The following TENM3 variants were observed in gnomAD, a reference collection of about 807,000 sequenced individuals.
TENM3 encodes teneurin transmembrane protein 3, also known as teneurin-3.
A neutral mutation model predicts 255.1 loss-of-function variants in TENM3; 63 were observed. That is an observed-to-expected ratio of 0.25 (90% CI 0.20 to 0.30). The LOEUF (loss-of-function observed/expected upper bound fraction) is 0.30. Ranked by LOEUF, TENM3 falls within the 10% of genes least tolerant of loss-of-function variation. The pLI is 1.00. For synonymous variants in TENM3, 1,306 were observed against 1,322.3 expected (o/e 0.99, Z 0.27); for missense variants, 2,929 against 3,461.1 (o/e 0.85, Z 3.86).
At chr4:181,909,986 A>G in the TENM3 span, among the ~76,000 whole-genome samples, 1 of 152,240 alleles carries the variant, frequency 6.6e-6, no homozygotes, top group Non-Finnish European at 1.5e-5. Context: ...AAATGTATAC[A>G]AAAGAATATC....
Position 182,509,729 on chromosome 4 carries a change from G to A in TENM3, c.512-91195G>A, listed in dbSNP as rs905279881. Among the ~76,000 whole-genome samples, 9 of 152,064 alleles carry A rather than the reference G, an allele frequency of 5.9e-5. No homozygotes were observed. In the East Asian group the frequency reaches 1.5e-3, roughly 26 times the overall value. On this transcript the variant is annotated intron_variant, in intron 3 of 27. Coordinates refer to ENST00000511685, the MANE Select transcript of TENM3 (RefSeq NM_001080477.4). ...AAGACAGGCGGATCACCTGAAGTTG[G>A]GAGTTCAAGACCAGCCTGACCAACA...
chr4:181,843,380 A>T, the TENM3 span, among the ~76,000 whole-genome samples: 10,918 of 152,212 alleles, frequency 0.072, 493 homozygotes, highest in South Asian at 0.16. Context: ...TCAATAACTC[A>T]TTTTCCTTGA....
chr4:181,621,619 A>G, the TENM3 span, among the ~76,000 whole-genome samples: 1 of 152,218 alleles, frequency 6.6e-6, no homozygotes, highest in Non-Finnish European at 1.5e-5. Context: ...AGGGTCTCAC[A>G]CACACAAAAA....
the TENM3 span, among the ~76,000 whole-genome samples, chr4:182,124,740 C>CT: frequency 6.6e-6 from 1 of 152,200 alleles, no homozygotes; most frequent in Non-Finnish European, 1.5e-5. Flanking sequence ...TCCCTTCCCA[C>CT]TTTTTTGCAG....
the TENM3 span, among the ~76,000 whole-genome samples, chr4:182,073,353 A>G: frequency 6.6e-6 from 1 of 152,166 alleles, no homozygotes; most frequent in Non-Finnish European, 1.5e-5. Flanking sequence ...GGGGATTACA[A>G]TTCAAGATGA....
chr4:182,421,033 C>T (rs1191297150), intron 3 of TENM3, among the ~76,000 whole-genome samples: 1 of 152,148 alleles, frequency 6.6e-6, no homozygotes, highest in African/African-American at 2.4e-5. Context: ...GAGATGGTTT[C>T]ATCACTGAAC....
the TENM3 span, among the ~76,000 whole-genome samples, chr4:181,713,670 G>A: frequency 2.0e-5 from 3 of 151,490 alleles, no homozygotes; most frequent in Admixed American, 6.6e-5. Context: ...TTGTGGTTTG[G>A]GCCACCAAGA....
At chr4:181,833,289 A>G in the TENM3 span, among the ~76,000 whole-genome samples, 1 of 152,010 alleles carries the variant, frequency 6.6e-6, no homozygotes, top group Non-Finnish European at 1.5e-5. Context: ...CCAGCTGTCA[A>G]ATCTCTACCC....
chr4:181,574,485 C>T, the TENM3 span, among the ~76,000 whole-genome samples: 2,321 of 151,266 alleles, frequency 0.015, 53 homozygotes, highest in African/African-American at 0.044. Flanking sequence ...GAGCCGAGAT[C>T]GTGCCACTGC....
At chr4:181,888,498 A>ATATATGTATATG in the TENM3 span, among the ~76,000 whole-genome samples, 1 of 20,726 alleles carries the variant, frequency 4.8e-5, no homozygotes, top group Non-Finnish European at 8.9e-5. Context: ...AAATGTGTAT[A>ATATATGTATATG]TATATATATA....
At chr4:181,894,493 G>A in the TENM3 span, among the ~76,000 whole-genome samples, 2 of 152,252 alleles carry the variant, frequency 1.3e-5, no homozygotes, top group Non-Finnish European at 2.9e-5. Context: ...TAACCAATAA[G>A]TAAGAACTTA....
the TENM3 span, among the ~76,000 whole-genome samples, chr4:181,597,911 T>C: frequency 5.3e-5 from 8 of 152,194 alleles, no homozygotes; most frequent in Non-Finnish European, 1.2e-4. Flanking sequence ...CTAATGCATT[T>C]CGCCTTAAGA....
intron 5 of TENM3, among the ~76,000 whole-genome samples, chr4:182,635,038 A>G (rs1283921425): frequency 6.6e-6 from 1 of 152,254 alleles, no homozygotes; most frequent in Admixed American, 6.5e-5. Flanking sequence ...TAACACCGTT[A>G]TAGACCTTTA....
chr4:181,619,540 G>C, the TENM3 span, among the ~76,000 whole-genome samples: 1 of 152,000 alleles, frequency 6.6e-6, no homozygotes, highest in Non-Finnish European at 1.5e-5. Flanking sequence ...TCTTGCCTCA[G>C]CCTCCTGTGT....
the TENM3 span, among the ~76,000 whole-genome samples, chr4:181,497,330 G>C: frequency 6.6e-6 from 1 of 152,116 alleles, no homozygotes; most frequent in Non-Finnish European, 1.5e-5. Context: ...CTATTTATGA[G>C]CTTTGAAAGA....
intron 3 of TENM3, among the ~76,000 whole-genome samples, chr4:182,418,899 G>T (rs1003433454): frequency 3.3e-5 from 5 of 152,104 alleles, no homozygotes; most frequent in African/African-American, 1.2e-4. Context: ...TGACTTGCTG[G>T]GGCCAAGGAC....
chr4:182,105,581 C>T, the TENM3 span, among the ~76,000 whole-genome samples: 3 of 152,118 alleles, frequency 2.0e-5, no homozygotes, highest in East Asian at 1.9e-4. Context: ...TACGTAGGGC[C>T]GAGGCTGCGG....
chr4:181,617,534 G>A, the TENM3 span, among the ~76,000 whole-genome samples: 4 of 152,250 alleles, frequency 2.6e-5, no homozygotes, highest in South Asian at 2.1e-4. Context: ...GGGAAAGTCC[G>A]GTGCCTACAG....
At chr4:181,701,525 C>T in the TENM3 span, among the ~76,000 whole-genome samples, 2 of 152,176 alleles carry the variant, frequency 1.3e-5, no homozygotes, top group Non-Finnish European at 2.9e-5. Flanking sequence ...GGCAAGCTTA[C>T]GTTCTATTTC....
Sources: allele counts gnomAD v4.1 joint callset (sites outside exome capture counted in the v4.1 genomes callset), GRCh38; gene constraint gnomAD v4.1.1; transcripts MANE v1.5; gene names NCBI Gene and HGNC (gene_info 2026-07-23, HGNC 2026-07-21).